TRIM16: variants seen among roughly 807,000 people sequenced by gnomAD.
TRIM16 encodes the protein tripartite motif-containing protein 16.
In TRIM16, 33 loss-of-function variants were observed where a neutral mutation model predicts 50.4. That is an observed-to-expected ratio of 0.65 (90% CI 0.50 to 0.88). TRIM16 has a LOEUF of 0.88. Among genes scored for constraint, TRIM16 ranks in the 40% least tolerant of loss-of-function variants. TRIM16 has a pLI of 0.00. For missense variants in TRIM16, 581 were observed against 686.8 expected (o/e 0.85, Z 1.72); for synonymous variants, 229 against 270.7 (o/e 0.85, Z 1.51).
At chr17:15,680,502 T>G (rs1989141470) in intron 4 of TRIM16, among the ~76,000 whole-genome samples, 2 of 152,054 alleles carry the variant, frequency 1.3e-5, no homozygotes, top group South Asian at 4.1e-4. Flanking sequence ...GAAGCTTGAT[T>G]CTTACCCAAC....
intron 6 of TRIM16, among the ~76,000 whole-genome samples, chr17:15,668,396 A>C (rs1002248875): frequency 5.9e-5 from 9 of 152,220 alleles, no homozygotes; most frequent in Admixed American, 5.9e-4. Context: ...AGCCAGAAGC[A>C]GAAATCCAAA....
chr17:15,660,272 C>T (rs1196789586), intron 6 of TRIM16, among the ~76,000 whole-genome samples: 1 of 152,204 alleles, frequency 6.6e-6, no homozygotes, highest in African/African-American at 2.4e-5. Context: ...CCCTCGATTG[C>T]TGTGGCCAGG....
At chr17:15,641,936 G>A (rs1413684460) in intron 8 of TRIM16, among the ~76,000 whole-genome samples, 1 of 148,688 alleles carries the variant, frequency 6.7e-6, no homozygotes, top group Non-Finnish European at 1.5e-5. Flanking sequence ...TCCACCTCCT[G>A]AGTTCAAGCA....
chr17:15,666,307 C>G (rs1988498516), intron 6 of TRIM16, among the ~76,000 whole-genome samples: 1 of 152,204 alleles, frequency 6.6e-6, no homozygotes, highest in South Asian at 2.1e-4. Flanking sequence ...GACTCGAACT[C>G]CTGCTCTCAA....
At position 15,640,094 on chromosome 17, in the gene TRIM16, G is replaced by T. The variant is rs1007596225; in HGVS notation, c.615+2627C>A. Among the ~76,000 whole-genome samples, 2 of 149,418 alleles carry T rather than the reference G, an allele frequency of 1.3e-5. 1 individual carries two copies. ...AAGACAGTGATAAATGGACTGATTT[G>T]CCCAAGATCACACAGCCAAGGTTTG... On this transcript the variant is annotated intron_variant, in intron 8 of 11. Coordinates refer to ENST00000649191, the MANE Select transcript of TRIM16 (RefSeq NM_001348119.1).
chr17:15,656,982 T>A (rs1597644526), intron 6 of TRIM16, among the ~76,000 whole-genome samples: 1 of 151,590 alleles, frequency 6.6e-6, no homozygotes, highest in East Asian at 1.9e-4. Flanking sequence ...CCCAGGTGAG[T>A]TTCAAACTCC....
chr17:15,674,170 G>T (rs1050362966), intron 6 of TRIM16, among the ~76,000 whole-genome samples: 1 of 152,136 alleles, frequency 6.6e-6, no homozygotes, highest in African/African-American at 2.4e-5. Context: ...AAGAGATTGA[G>T]ACCATCCTGG....
At chr17:15,653,295 A>G (rs1053764573) in intron 6 of TRIM16, among the ~76,000 whole-genome samples, 3 of 152,156 alleles carry the variant, frequency 2.0e-5, no homozygotes, top group African/African-American at 4.8e-5. Flanking sequence ...CTTCTTGTAC[A>G]GCCTGCAAAA....
intron 6 of TRIM16, among the ~76,000 whole-genome samples, chr17:15,660,897 C>CAAAAAAAA (rs550489491): frequency 3.0e-4 from 18 of 60,078 alleles, no homozygotes; most frequent in South Asian, 6.3e-4. Context: ...GACTCCATCT[C>CAAAAAAAA]AAAAAAAAAA....
intron 4 of TRIM16, among the ~76,000 whole-genome samples, chr17:15,678,697 A>G (rs541126212): frequency 1.5e-4 from 23 of 152,318 alleles, no homozygotes; most frequent in Middle Eastern, 3.4e-3. Context: ...GGCCATATAT[A>G]TTTTGGGTCT....
At chr17:15,666,409 C>T (rs1988503990) in intron 6 of TRIM16, among the ~76,000 whole-genome samples, 1 of 152,194 alleles carries the variant, frequency 6.6e-6, no homozygotes, top group Non-Finnish European at 1.5e-5. Flanking sequence ...AAAAAATCAA[C>T]TTTACTGAGG....
At chr17:15,657,156 A>C (rs1288599190) in intron 6 of TRIM16, among the ~76,000 whole-genome samples, 1 of 152,202 alleles carries the variant, frequency 6.6e-6, no homozygotes, top group Non-Finnish European at 1.5e-5. Flanking sequence ...AAATACACAT[A>C]AAATACAAAT....
In TRIM16 at chr17:15,631,916, A is replaced by G. The variant is rs1567668588; in HGVS notation, c.1016-202T>C. The G allele has an allele frequency of 8.4e-6, 5 of 595,428 alleles. No homozygotes were observed. The East Asian group carries it at 1.2e-4, about 14-fold the overall frequency. The allele number at this position is 595,428 out of a possible 1,614,324, so 36.9% of individuals were successfully genotyped here. Reference sequence around the variant, plus strand: ...AACCACTGAAAAAGTGATCCAGACCATCTTGGATTTAACTTAAAAGTATAG... The same window carrying G: ...AACCACTGAAAAAGTGATCCAGACCGTCTTGGATTTAACTTAAAAGTATAG... On this transcript the variant is annotated intron_variant, in intron 10 of 11. Coordinates refer to ENST00000649191, the MANE Select transcript of TRIM16 (RefSeq NM_001348119.1).
chr17:15,650,946 C>T, intron 7 of TRIM16, 145 bp downstream of exon 7: 1 of 1,193,150 alleles, frequency 8.4e-7, no homozygotes, highest in South Asian at 1.6e-5. Flanking sequence ...TTACACTGAC[C>T]CAGCAGGCAG....
intron 6 of TRIM16, among the ~76,000 whole-genome samples, chr17:15,661,684 TGTG>T (rs1165282262): frequency 3.3e-5 from 5 of 152,210 alleles, no homozygotes; most frequent in Admixed American, 3.3e-4. Context: ...CTTAGTACAA[TGTG>T]TCCCTCTAAT....
At chr17:15,666,265 AG>A (rs1988496626) in intron 6 of TRIM16, among the ~76,000 whole-genome samples, 1 of 152,118 alleles carries the variant, frequency 6.6e-6, no homozygotes, top group African/African-American at 2.4e-5. Context: ...TTTATTTTTT[AG>A]AGATAGGGTC....
intron 6 of TRIM16, among the ~76,000 whole-genome samples, chr17:15,662,454 C>A (rs557305482): frequency 9.1e-4 from 138 of 152,340 alleles, no homozygotes; most frequent in Non-Finnish European, 1.8e-3. Flanking sequence ...TCACCCATTT[C>A]TTCTACTATT....
In TRIM16 at chr17:15,652,455, C is replaced by CTTT. The variant is rs34158100; in HGVS notation, c.-337-512_-337-510dup. On this transcript the variant is annotated intron_variant, in intron 6 of 11. Transcript: ENST00000649191. ...ATTACAGGTGAGCCACGGTGCCCAC[C>CTTT]TTTTTTTTTTTTTTTTTTTTTTTTT... Among the ~76,000 whole-genome samples, 530 of 65,390 alleles carry CTTT rather than the reference C, an allele frequency of 8.1e-3. 135 individuals carry two copies. The highest frequency in any genetic ancestry group is 0.015 in the African/African-American group (162 of 11,080). The allele number at this position is 65,390 out of a possible 152,430, so 42.9% of individuals were successfully genotyped here.
At chr17:15,678,879 T>TTTC (rs1989060522) in intron 4 of TRIM16, among the ~76,000 whole-genome samples, 1 of 8,062 alleles carries the variant, frequency 1.2e-4, no homozygotes, top group East Asian at 6.0e-3. Flanking sequence ...CAGACTCTCC[T>TTTC]TTTTTTTTTT....
Sources: gnomAD v4.1 joint callset for allele counts (sites outside exome capture counted in the v4.1 genomes callset) on GRCh38, gnomAD v4.1.1 for gene constraint, MANE v1.5 for transcripts, NCBI Gene and HGNC (gene_info 2026-07-23, HGNC 2026-07-21) for gene names.